FGF14: variants seen among roughly 807,000 people sequenced by gnomAD.
FGF14 encodes fibroblast growth factor homologous factor 4.
FGF14 carries 5 observed loss-of-function variants against 25.5 expected under a neutral mutation model. The ratio of observed to expected loss-of-function variants is 0.20; its 90% CI spans 0.10 to 0.41. The LOEUF is 0.41. Among genes scored for constraint, FGF14 ranks in the 10% least tolerant of loss-of-function variants. The pLI, the probability that FGF14 is intolerant of heterozygous loss-of-function variation, is 1.00. For synonymous variants in FGF14, 138 were observed against 118.3 expected, an observed-to-expected ratio of 1.17 and a Z score of -1.08; for missense variants, 222 against 320.1, an observed-to-expected ratio of 0.69 and a Z score of 2.34.
At chr13:101,745,900 G>T (rs958942094) in intron 3 of FGF14, among the ~76,000 whole-genome samples, 1 of 152,002 alleles carries the variant, frequency 6.6e-6, no homozygotes, top group African/African-American at 2.4e-5. Context: ...CAGAGTGCTC[G>T]CAAGATTGTA....
At chr13:102,256,485 G>A (rs2052446464) in intron 1 of FGF14, among the ~76,000 whole-genome samples, 2 of 152,058 alleles carry the variant, frequency 1.3e-5, no homozygotes, top group Admixed American at 6.6e-5. Context: ...GTGACAGAGC[G>A]AGACCCTGTC....
intron 1 of FGF14, among the ~76,000 whole-genome samples, chr13:102,378,964 C>T (rs181231225): frequency 5.9e-5 from 9 of 152,148 alleles, no homozygotes; most frequent in Non-Finnish European, 1.2e-4. Context: ...CAGTACAAGC[C>T]AAAAGAAGGT....
In FGF14 at chr13:102,000,042, G is replaced by A. The variant is rs578099820; in HGVS notation, c.209-124746C>T. On this transcript the variant is annotated intron_variant, in intron 1 of 4. Coordinates refer to the FGF14 transcript ENST00000376131. Reference sequence around the variant, plus strand: ...ATTAAAAAACTCATGTTTGCCGGGCGCGGTGGCTCACGCCTGTAATCCCAG... The same window carrying A: ...ATTAAAAAACTCATGTTTGCCGGGCACGGTGGCTCACGCCTGTAATCCCAG... 8.5e-5 allele frequency among the ~76,000 whole-genome samples: 13 copies of A among 152,262 alleles called. No individual in the cohort carries two copies. In the East Asian group the frequency reaches 1.7e-3, roughly 20 times the overall value.
rs903274789 is a variant in FGF14, at chr13:101,719,290, G to A, written c.*3541C>T. 6.6e-6 allele frequency: 1 copy of A among 152,034 alleles called. No homozygotes were observed. The highest frequency in any genetic ancestry group is 2.4e-5 in the African/African-American group (1 of 41,392). 9.4% of individuals were successfully genotyped at this position (152,034 alleles called of 1,614,324 possible). On this transcript the variant is annotated 3_prime_UTR_variant, in exon 5 of 5. Transcript: ENST00000376143. Reference sequence around the variant, plus strand: ...TGCTTAAAGCATTAATTAAGCAAGTGGCTAGGTATGATAAAGAACTTCTGC... The same window carrying A: ...TGCTTAAAGCATTAATTAAGCAAGTAGCTAGGTATGATAAAGAACTTCTGC...
intron 3 of FGF14, among the ~76,000 whole-genome samples, chr13:101,834,835 T>G (rs2042844562): frequency 1.3e-5 from 2 of 152,040 alleles, no homozygotes; most frequent in Non-Finnish European, 2.9e-5. Context: ...GAATACAGTG[T>G]TAGGGTCCTA....
chr13:101,799,414 G>A (rs1049212190), intron 3 of FGF14, among the ~76,000 whole-genome samples: 2 of 152,044 alleles, frequency 1.3e-5, no homozygotes, highest in African/African-American at 4.8e-5. Context: ...AAGCAGAGGG[G>A]AGCCTGCAAG....
chr13:101,975,309 C>T (rs2037854012), intron 1 of FGF14, among the ~76,000 whole-genome samples: 1 of 152,110 alleles, frequency 6.6e-6, no homozygotes, highest in Non-Finnish European at 1.5e-5. Flanking sequence ...AGCACTAACC[C>T]CCTCGACTCC....
chr13:102,387,564 T>C (rs1449019425), intron 1 of FGF14, among the ~76,000 whole-genome samples: 1 of 152,150 alleles, frequency 6.6e-6, no homozygotes, highest in African/African-American at 2.4e-5. Flanking sequence ...GAAAACATCA[T>C]CATTTATTTT....
chr13:102,001,770 C>A (rs1397277759), intron 1 of FGF14, among the ~76,000 whole-genome samples: 1 of 152,060 alleles, frequency 6.6e-6, no homozygotes, highest in Non-Finnish European at 1.5e-5. Flanking sequence ...AACTTAGAAA[C>A]CAATGGATTT....
intron 1 of FGF14, among the ~76,000 whole-genome samples, chr13:102,387,027 T>C (rs537770498): frequency 1.3e-5 from 2 of 152,338 alleles, no homozygotes; most frequent in South Asian, 2.1e-4. Flanking sequence ...CCCCTTCTTG[T>C]ATGAATCATG....
At chr13:102,243,754 T>G (rs1460744632) in intron 1 of FGF14, among the ~76,000 whole-genome samples, 1 of 151,638 alleles carries the variant, frequency 6.6e-6, no homozygotes, top group African/African-American at 2.4e-5. Context: ...GTGTTTAGCC[T>G]GGTAACTGGC....
chr13:102,129,622 AG>A (rs1298774378), intron 1 of FGF14, among the ~76,000 whole-genome samples: 1 of 152,050 alleles, frequency 6.6e-6, no homozygotes, highest in African/African-American at 2.4e-5. Flanking sequence ...GCCAAGCACA[AG>A]TTTCAAAAAA....
chr13:102,091,854 T>C (rs1467525240), intron 1 of FGF14, among the ~76,000 whole-genome samples: 2 of 152,210 alleles, frequency 1.3e-5, no homozygotes, highest in African/African-American at 4.8e-5. Flanking sequence ...GTGTTTGTAT[T>C]AAATCTTCTC....
intron 1 of FGF14, among the ~76,000 whole-genome samples, chr13:102,343,621 T>C (rs1404880832): frequency 6.6e-6 from 1 of 152,220 alleles, no homozygotes; most frequent in Non-Finnish European, 1.5e-5. Flanking sequence ...CAGACAGTCA[T>C]ATGCGAGACT....
rs535896837 is a variant in FGF14, at chr13:102,134,031, T to C, written c.209-258735A>G. ...CTTCATTTTGTCATCTTTATTTTTA[T>C]GTAGTGTTTATTACATTAAAACACA... is the stretch of plus-strand genomic sequence containing the variant. On this transcript the variant is annotated intron_variant, in intron 1 of 4. Transcript: ENST00000376131. Among the ~76,000 whole-genome samples, 6 of 152,350 alleles carry C rather than the reference T, an allele frequency of 3.9e-5. No individual in the cohort carries two copies. The South Asian group carries it at 1.2e-3, about 32-fold the overall frequency.
intron 1 of FGF14, among the ~76,000 whole-genome samples, chr13:102,153,192 T>C (rs1370500402): frequency 2.6e-5 from 4 of 152,210 alleles, no homozygotes; most frequent in South Asian, 2.1e-4. Context: ...AAGAACATCA[T>C]AGACAACAGA....
At chr13:101,729,636 A>G (rs1296581041) in intron 3 of FGF14, among the ~76,000 whole-genome samples, 3 of 152,170 alleles carry the variant, frequency 2.0e-5, no homozygotes, top group Non-Finnish European at 4.4e-5. Flanking sequence ...AATACGTATT[A>G]CACATTTAGA....
chr13:102,372,864 T>C (rs1470565472), intron 1 of FGF14, among the ~76,000 whole-genome samples: 3 of 152,138 alleles, frequency 2.0e-5, no homozygotes, highest in Non-Finnish European at 4.4e-5. Flanking sequence ...TTTATATGCA[T>C]TACTACTATA....
chr13:101,719,805 T>C lies in FGF14; in HGVS notation c.*3026A>G. The C allele has an allele frequency of 6.6e-6, 1 of 152,048 alleles. No individual in the cohort carries two copies. The highest frequency in any genetic ancestry group is 1.5e-5 in the Non-Finnish European group (1 of 67,998). 9.4% of individuals were successfully genotyped at this position (152,048 alleles called of 1,614,324 possible). ...CAAATGAATTCCATCAGATTTACTA[T>C]ACGGAACATCAGTAGTGACAGATTG... On this transcript the variant is annotated 3_prime_UTR_variant, in exon 5 of 5. Coordinates refer to ENST00000376143, the MANE Select transcript of FGF14 (RefSeq NM_004115.4).
Sources: allele counts gnomAD v4.1 joint callset (sites outside exome capture counted in the v4.1 genomes callset), GRCh38; gene constraint gnomAD v4.1.1; transcripts MANE v1.5; gene names NCBI Gene and HGNC (gene_info 2026-07-23, HGNC 2026-07-21).